The following ARNT variants were observed in gnomAD, a reference collection of about 807,000 sequenced individuals.
The protein encoded by ARNT is class E basic helix-loop-helix protein 2.
Under a neutral mutation model 105.0 loss-of-function variants are expected in ARNT, and 30 were observed. That is an observed-to-expected ratio of 0.29 (90% confidence interval 0.21 to 0.39). ARNT has a LOEUF of 0.39. ARNT is among the 10% of genes least tolerant of loss of function. ARNT has a pLI of 1.00. For missense variants in ARNT, 748 were observed against 978.7 expected (o/e 0.76, Z 3.15); for synonymous variants, 304 against 344.0 (o/e 0.88, Z 1.29).
intron 1 of ARNT, among the ~76,000 whole-genome samples, chr1:150,862,615 C>T (rs1371399311): frequency 6.7e-6 from 1 of 148,896 alleles, no homozygotes; most frequent in Non-Finnish European, 1.5e-5. Context: ...GTGGCTCATG[C>T]CTATAATCCC....
chr1:150,871,350 G>C (rs1667404123), intron 1 of ARNT, among the ~76,000 whole-genome samples: 1 of 139,766 alleles, frequency 7.2e-6, no homozygotes, highest in Non-Finnish European at 1.5e-5. Flanking sequence ...GCCCAGGCTA[G>C]AGTGCAGTGG....
At chr1:150,861,338 AATT>A in intron 1 of ARNT, 1 of 393,666 alleles carries the variant, frequency 2.5e-6, no homozygotes. Flanking sequence ...GCAAAAAAAA[AATT>A]AAATTAAAAA....
Position 150,834,727 on chromosome 1 carries a change from C to G in ARNT, c.701-87G>C. Reference sequence around the variant, plus strand: ...GATACTGAAGGCAAAGATAAGTAAGCATCCTATTCATGCCCTTAATCTCCT... The same window carrying G: ...GATACTGAAGGCAAAGATAAGTAAGGATCCTATTCATGCCCTTAATCTCCT... On this transcript the variant is annotated intron_variant, in intron 7 of 21. Transcript: ENST00000358595. The G allele has an allele frequency of 3.6e-6, 4 of 1,112,510 alleles. No homozygotes were observed. In the South Asian group the frequency reaches 5.1e-5, roughly 14 times the overall value. 68.9% of individuals were successfully genotyped at this position (1,112,510 alleles called of 1,614,324 possible). A position where few individuals can be genotyped will look rare whatever the true frequency, so the allele number is the denominator to read the frequency against.
rs1664999152 is a variant in ARNT at position 150,858,368 on chromosome 1, C to T, written c.118G>A (p.Ala40Thr). 1 of 1,608,012 alleles carries T rather than the reference C, an allele frequency of 6.2e-7. No homozygotes were observed. Among genetic ancestry groups the T allele is most frequent in the Non-Finnish European group, 8.5e-7 (1 of 1,176,946 alleles). ...IQGGGAIVQR[A>T]IKRRPGLDFD... ...ACTCACCCTGGTCGCCGCTTAATAG[C>T]CCTCTGGACAATGGCTCCTCCACCT... Residue 40 changes from alanine to threonine, a missense_variant, in exon 2 of 22, where the codon GCT (alanine) becomes ACT (threonine). Ala to Thr is a moderately conservative substitution (Grantham distance 58). Transcript: ENST00000358595.
At chr1:150,813,871 C>G (rs975533730) in intron 20 of ARNT, among the ~76,000 whole-genome samples, 3 of 152,182 alleles carry the variant, frequency 2.0e-5, no homozygotes, top group African/African-American at 7.2e-5. Context: ...AGTGATCCGC[C>G]TGCCTCAGCC....
At chr1:150,846,906 A>C (rs1271447375) in intron 3 of ARNT, among the ~76,000 whole-genome samples, 2 of 152,310 alleles carry the variant, frequency 1.3e-5, no homozygotes, top group East Asian at 3.9e-4. Flanking sequence ...CTTTCAGTAT[A>C]ATGTCCTTAA....
intron 1 of ARNT, among the ~76,000 whole-genome samples, chr1:150,863,615 G>A (rs1485811041): frequency 6.6e-6 from 1 of 151,888 alleles, no homozygotes; most frequent in Non-Finnish European, 1.5e-5. Flanking sequence ...GATCACCTAA[G>A]GTCAGGAGTT....
chr1:150,870,854 C>T (rs1446193493), intron 1 of ARNT, among the ~76,000 whole-genome samples: 1 of 151,676 alleles, frequency 6.6e-6, no homozygotes, highest in Admixed American at 6.6e-5. Flanking sequence ...CATTCAACTA[C>T]AATGAAAACG....
At chr1:150,850,704 C>G (rs1036533506) in intron 3 of ARNT, among the ~76,000 whole-genome samples, 7 of 152,226 alleles carry the variant, frequency 4.6e-5, no homozygotes, top group African/African-American at 1.7e-4. Context: ...TGGCCGCCAC[C>G]CCGTCTGGGA....
chr1:150,871,685 G>A (rs1229620107), intron 1 of ARNT, among the ~76,000 whole-genome samples: 11 of 147,662 alleles, frequency 7.4e-5, no homozygotes, highest in Admixed American at 2.7e-4. Flanking sequence ...CAAGGTGGGC[G>A]GATCACCTGA....
chr1:150,866,708 C>T (rs1012518674), intron 1 of ARNT, among the ~76,000 whole-genome samples: 12 of 152,038 alleles, frequency 7.9e-5, no homozygotes, highest in Admixed American at 5.2e-4. Context: ...TACACACACA[C>T]ACACGTATAT....
Position 150,842,827 on chromosome 1 carries a change from T to C in ARNT, c.228-359A>G, listed in dbSNP as rs186817877. On this transcript the variant is annotated intron_variant, in intron 4 of 21. Coordinates refer to ENST00000358595, the MANE Select transcript of ARNT (RefSeq NM_001668.4). ...TCGATCTCTGTAGGGACCAAAGATATACAGAGTCTGAACAAGAACCAACCA... is the reference window on the plus strand; with the variant it reads ...TCGATCTCTGTAGGGACCAAAGATACACAGAGTCTGAACAAGAACCAACCA... 5.9e-3 allele frequency among the ~76,000 whole-genome samples: 897 copies of C among 152,272 alleles called. 11 individuals carry two copies. The highest frequency in any genetic ancestry group is 6.2e-3 in the Non-Finnish European group (421 of 68,010).
Position 150,874,508 on chromosome 1 carries a change from G to T in ARNT, c.25+2035C>A, listed in dbSNP as rs587728639. 4.6e-5 allele frequency among the ~76,000 whole-genome samples: 7 copies of T among 152,166 alleles called. No individual in the cohort carries two copies. The South Asian group carries it at 1.5e-3, about 32-fold the overall frequency. The stretch of plus-strand genomic sequence containing the variant: ...AGATCAGCATGGGCAACATAGCAAG[G>T]CATCTGTCTCTACAAAAAAATTTAA... On this transcript the variant is annotated intron_variant, in intron 1 of 21. Transcript: ENST00000358595.
chr1:150,847,856 A>G (rs1171797870), intron 3 of ARNT, among the ~76,000 whole-genome samples: 1 of 152,200 alleles, frequency 6.6e-6, no homozygotes, highest in Non-Finnish European at 1.5e-5. Flanking sequence ...TTCCACTTGC[A>G]ACTATTTCTT....
At chr1:150,831,934 A>G (rs1460381967) in intron 9 of ARNT, 31 bp from the exon 10 acceptor site, 16 of 1,416,738 alleles carry the variant, frequency 1.1e-5, no homozygotes, top group Non-Finnish European at 1.6e-5. Flanking sequence ...TGAAAAAAAA[A>G]AAAAAAATCT....
chr1:150,813,970 A>G (rs1655294436), intron 20 of ARNT, 107 bp downstream of exon 20: 11 of 1,391,552 alleles, frequency 7.9e-6, no homozygotes, highest in South Asian at 1.4e-5. Context: ...GCATTTCCCT[A>G]CAATCAGGTC....
At chr1:150,818,766 A>AACAT (rs1266884385) in intron 14 of ARNT, among the ~76,000 whole-genome samples, 1 of 151,526 alleles carries the variant, frequency 6.6e-6, no homozygotes, top group Non-Finnish European at 1.5e-5. Context: ...CAAACAAACA[A>AACAT]ACAAATCCCT....
chr1:150,864,554 C>T (rs1666202965), intron 1 of ARNT, among the ~76,000 whole-genome samples: 1 of 134,186 alleles, frequency 7.5e-6, no homozygotes, highest in Admixed American at 8.8e-5. Context: ...TAGGTGGGAA[C>T]TGAACAATGA....
At chr1:150,843,154 C>T (rs587603318) in intron 4 of ARNT, among the ~76,000 whole-genome samples, 103 of 152,220 alleles carry the variant, frequency 6.8e-4, no homozygotes, top group African/African-American at 2.3e-3. Flanking sequence ...AACTTTGATT[C>T]GGTCCTTTTG....
Sources: gnomAD v4.1 joint callset for allele counts (sites outside exome capture counted in the v4.1 genomes callset) on GRCh38, gnomAD v4.1.1 for gene constraint, MANE v1.5 for transcripts, NCBI Gene and HGNC (gene_info 2026-07-23, HGNC 2026-07-21) for gene names.